The following CALN1 variants were observed in gnomAD, a reference collection of about 807,000 sequenced individuals.
CALN1 encodes the protein calneuron 1.
In CALN1, 17 loss-of-function variants were observed where a neutral mutation model predicts 30.6. That is an observed-to-expected ratio of 0.56 (90% CI 0.38 to 0.83). The LOEUF (loss-of-function observed/expected upper bound fraction) is 0.83, where lower values mean the gene tolerates loss of function less well. CALN1 is among the 40% of genes least tolerant of loss of function. The probability of loss-of-function intolerance (pLI) is 0.00; values close to 1 mark genes in which losing one functional copy is unlikely to be tolerated. For synonymous variants in CALN1, 156 were observed against 131.4 expected, an observed-to-expected ratio of 1.19 and a Z score of -1.28; for missense variants, 291 against 354.9, an observed-to-expected ratio of 0.82 and a Z score of 1.45.
chr7:72,473,731 G>A, the CALN1 span, among the ~76,000 whole-genome samples: 146 of 152,044 alleles, frequency 9.6e-4, 2 homozygotes, highest in Middle Eastern at 3.4e-3. Flanking sequence ...TCAGGAGTTC[G>A]AGACCAGCCT....
At chr7:72,472,232 C>T in the CALN1 span, among the ~76,000 whole-genome samples, 29 of 152,176 alleles carry the variant, frequency 1.9e-4, no homozygotes, top group Admixed American at 1.2e-3. Flanking sequence ...CCTTCCCACC[C>T]GCAGCATCTC....
chr7:72,092,429 A>AACACAC (rs373673416), intron 4 of CALN1, among the ~76,000 whole-genome samples: 1 of 150,908 alleles, frequency 6.6e-6, no homozygotes. Flanking sequence ...CAAAATTTAT[A>AACACAC]ACACACACAC....
chr7:72,188,934 C>T (rs1585123430), intron 3 of CALN1, among the ~76,000 whole-genome samples: 1 of 152,122 alleles, frequency 6.6e-6, no homozygotes, highest in African/African-American at 2.4e-5. Flanking sequence ...ACACACAAAG[C>T]TCTCCCCATC....
chr7:71,883,837 C>T (rs1215815179), intron 5 of CALN1, among the ~76,000 whole-genome samples: 2 of 152,124 alleles, frequency 1.3e-5, no homozygotes, highest in African/African-American at 2.4e-5. Flanking sequence ...TCACCGCTGC[C>T]CAAGACACAT....
At chr7:72,205,029 A>G (rs1791723003) in intron 3 of CALN1, among the ~76,000 whole-genome samples, 1 of 152,120 alleles carries the variant, frequency 6.6e-6, no homozygotes, top group Non-Finnish European at 1.5e-5. Context: ...TTTTCTGTCC[A>G]ACCCTGCTAA....
chr7:72,168,302 C>T (rs1245422355), intron 3 of CALN1, among the ~76,000 whole-genome samples: 1 of 150,860 alleles, frequency 6.6e-6, no homozygotes, highest in South Asian at 2.1e-4. Context: ...GACAGTCCAA[C>T]GATCTATAAT....
chr7:72,490,593 G>T, the CALN1 span, among the ~76,000 whole-genome samples: 1 of 152,170 alleles, frequency 6.6e-6, no homozygotes, highest in Non-Finnish European at 1.5e-5. Flanking sequence ...GGAGGCGCCT[G>T]GTGGGAGGTG....
chr7:72,474,021 G>A, the CALN1 span, among the ~76,000 whole-genome samples: 1 of 151,712 alleles, frequency 6.6e-6, no homozygotes, highest in African/African-American at 2.4e-5. Flanking sequence ...AAAAAAGATT[G>A]TTAGAATAAA....
chr7:71,806,260 A>ACACACACG (rs1554341669), intron 6 of CALN1, among the ~76,000 whole-genome samples: 3 of 150,248 alleles, frequency 2.0e-5, no homozygotes, highest in East Asian at 2.0e-4. Flanking sequence ...GCACACACAC[A>ACACACACG]CACACACACA....
chr7:72,360,753 A>C (rs979387219), intron 2 of CALN1, among the ~76,000 whole-genome samples: 1 of 150,636 alleles, frequency 6.6e-6, no homozygotes, highest in African/African-American at 2.4e-5. Flanking sequence ...TTTGAGACAG[A>C]GTCTCCCCTC....
rs1368717313 is a variant in CALN1 at position 72,067,548 on chromosome 7, C to T, written c.388+38603G>A. Among the ~76,000 whole-genome samples the T allele has an allele frequency of 2.0e-5, 3 of 152,182 alleles. No homozygotes were observed. The East Asian group carries it at 5.8e-4, about 29-fold the overall frequency. On this transcript the variant is annotated intron_variant, in intron 4 of 6. Coordinates refer to ENST00000395275, the MANE Select transcript of CALN1 (RefSeq NM_031468.4). ...TACAGGCATGAGCAACCACTCTCAG[C>T]CACTCCATAATTTTTCTATGACTCT...
rs1384684695 is a variant in CALN1, at chr7:72,126,080, T to C, written c.245-19786A>G. Among the ~76,000 whole-genome samples, 4 of 152,212 alleles carry C rather than the reference T, an allele frequency of 2.6e-5. No homozygotes were observed. The East Asian group carries it at 7.7e-4, about 29-fold the overall frequency. On this transcript the variant is annotated intron_variant, in intron 3 of 6. Transcript: ENST00000395275. Reference sequence around the variant, plus strand: ...TCCCAAAGTGCTGGGATTACAGGCGTGAGCCACCGCGCCCAGCTCACTGTA... The same window carrying C: ...TCCCAAAGTGCTGGGATTACAGGCGCGAGCCACCGCGCCCAGCTCACTGTA...
intron 5 of CALN1, among the ~76,000 whole-genome samples, chr7:71,953,995 T>C (rs1360018028): frequency 1.3e-5 from 2 of 152,190 alleles, no homozygotes; most frequent in Non-Finnish European, 2.9e-5. Flanking sequence ...TCTGGCTTAC[T>C]GGAACAACTG....
At chr7:72,311,745 C>T (rs1265599793) in intron 2 of CALN1, among the ~76,000 whole-genome samples, 3 of 147,600 alleles carry the variant, frequency 2.0e-5, no homozygotes, top group Non-Finnish European at 4.4e-5. Flanking sequence ...GATCCACCTG[C>T]CTCAGCCTCC....
chr7:72,343,233 G>A (rs558227566), intron 2 of CALN1, among the ~76,000 whole-genome samples: 1 of 152,172 alleles, frequency 6.6e-6, no homozygotes, highest in Non-Finnish European at 1.5e-5. Context: ...CCTGAGTCAC[G>A]TCCCAGCAGA....
the CALN1 span, among the ~76,000 whole-genome samples, chr7:72,501,956 T>C: frequency 5.6e-3 from 574 of 103,192 alleles, 55 homozygotes; most frequent in African/African-American, 0.019. Context: ...TATACACACA[T>C]ATATATATAT....
chr7:72,416,187 T>G (rs780103330), upstream of CALN1, among the ~76,000 whole-genome samples: 47 of 152,216 alleles, frequency 3.1e-4, no homozygotes, highest in Non-Finnish European at 7.3e-5. Flanking sequence ...CATGACAGTT[T>G]ACCATTGCCA....
intron 3 of CALN1, among the ~76,000 whole-genome samples, chr7:72,266,607 T>C (rs1326703985): frequency 6.6e-6 from 1 of 152,218 alleles, no homozygotes; most frequent in Admixed American, 6.5e-5. Flanking sequence ...TTTGCAGTTG[T>C]GTTTTTTCTT....
In CALN1 at chr7:72,362,817, C is replaced by T. The variant is rs143575993; in HGVS notation, c.119+40434G>A. On this transcript the variant is annotated intron_variant, in intron 2 of 6. Coordinates refer to ENST00000395275, the MANE Select transcript of CALN1 (RefSeq NM_031468.4). ...GATCCCAGCCCAGCCATCACCTCCTCGGGCCAGCATCCATTTCCTGGTGTC... is the reference window on the plus strand; with the variant it reads ...GATCCCAGCCCAGCCATCACCTCCTTGGGCCAGCATCCATTTCCTGGTGTC... 3.4e-3 allele frequency among the ~76,000 whole-genome samples: 513 copies of T among 152,320 alleles called. 2 individuals are homozygous for T. The highest frequency in any genetic ancestry group is 0.014 in the Middle Eastern group (4 of 294).
Sources: gnomAD v4.1 joint callset for allele counts (sites outside exome capture counted in the v4.1 genomes callset) on GRCh38, gnomAD v4.1.1 for gene constraint, MANE v1.5 for transcripts, NCBI Gene and HGNC (gene_info 2026-07-23, HGNC 2026-07-21) for gene names.